MRTFB: variants seen among roughly 807,000 people sequenced by gnomAD.
MRTFB encodes myocardin-related transcription factor B.
A neutral mutation model predicts 104.2 loss-of-function variants in MRTFB; 29 were observed. That is an observed-to-expected ratio of 0.28 (90% CI 0.21 to 0.38). The LOEUF is 0.38. Ranked by LOEUF, MRTFB falls within the 10% of genes least tolerant of loss-of-function variation. MRTFB has a pLI of 1.00. For missense variants in MRTFB, 1,270 were observed against 1,341.6 expected (o/e 0.95, Z 0.83); for synonymous variants, 535 against 519.5 (o/e 1.03, Z -0.41).
At chr16:14,252,084 GC>G (rs2043279588) in intron 14 of MRTFB, 61 bp downstream of exon 14, 2 of 1,566,884 alleles carry the variant, frequency 1.3e-6, no homozygotes, top group Middle Eastern at 3.4e-4. Context: ...TCATTCCAAA[GC>G]CTAGTGCTTT....
intron 2 of MRTFB, among the ~76,000 whole-genome samples, chr16:14,081,027 A>G (rs989138468): frequency 2.6e-5 from 4 of 152,194 alleles, no homozygotes; most frequent in African/African-American, 9.7e-5. Context: ...CAGTAGTGGG[A>G]TTGCTGGATC....
chr16:14,195,634 TG>T (rs2040400048), intron 3 of MRTFB: 2 of 898,392 alleles, frequency 2.2e-6, no homozygotes, highest in Non-Finnish European at 2.7e-6. Flanking sequence ...TTTCGTTAAT[TG>T]TTCTTTTATT....
chr16:14,135,846 C>G (rs1442141947), intron 2 of MRTFB, among the ~76,000 whole-genome samples: 1 of 152,190 alleles, frequency 6.6e-6, no homozygotes, highest in Non-Finnish European at 1.5e-5. Context: ...CAGCTTTTTG[C>G]TGTTAGGTGA....
intron 2 of MRTFB, among the ~76,000 whole-genome samples, chr16:14,105,545 G>A (rs533855224): frequency 4.6e-5 from 7 of 152,014 alleles, no homozygotes; most frequent in South Asian, 4.2e-4. Context: ...CTATAGGCAC[G>A]TGCTACCGTA....
chr16:14,118,143 T>C (rs891132972), intron 2 of MRTFB, among the ~76,000 whole-genome samples: 1 of 126,906 alleles, frequency 7.9e-6, no homozygotes, highest in African/African-American at 3.7e-5. Flanking sequence ...TTTCTTTTTC[T>C]TTTTTTTTTG....
intron 2 of MRTFB, among the ~76,000 whole-genome samples, chr16:14,081,849 G>A (rs2034433252): frequency 6.6e-6 from 1 of 152,188 alleles, no homozygotes. Context: ...CCAAAGTGCT[G>A]GGATTATAGG....
chr16:14,146,934 A>G (rs1282081952), intron 3 of MRTFB, among the ~76,000 whole-genome samples: 6 of 152,376 alleles, frequency 3.9e-5, no homozygotes, highest in Admixed American at 1.3e-4. Context: ...TCATAGTGTC[A>G]TAAACGAGCA....
At chr16:14,234,748 T>C (rs1172045844) in intron 9 of MRTFB, among the ~76,000 whole-genome samples, 1 of 152,046 alleles carries the variant, frequency 6.6e-6, no homozygotes, top group Non-Finnish European at 1.5e-5. Flanking sequence ...TGAGCTGTGA[T>C]CACACCATTG....
intron 8 of MRTFB, 139 bp from the exon 9 acceptor site, chr16:14,234,007 C>T: frequency 4.0e-6 from 4 of 998,934 alleles, no homozygotes; most frequent in Non-Finnish European, 5.9e-6. Context: ...CACCATCTGG[C>T]CTCAGACATA....
At chr16:14,193,087 C>T (rs2040259711) in intron 3 of MRTFB, among the ~76,000 whole-genome samples, 1 of 151,856 alleles carries the variant, frequency 6.6e-6, no homozygotes, top group Non-Finnish European at 1.5e-5. Flanking sequence ...CGCAGCCTTG[C>T]TGGTTTTCCC....
chr16:14,243,096 A>C (rs1183273955), intron 10 of MRTFB, among the ~76,000 whole-genome samples: 9 of 152,216 alleles, frequency 5.9e-5, no homozygotes, highest in Admixed American at 3.9e-4. Flanking sequence ...TAATGAATGA[A>C]AATAAGGTGG....
At chr16:14,249,479 T>C (rs991083648) in intron 13 of MRTFB, among the ~76,000 whole-genome samples, 1 of 152,228 alleles carries the variant, frequency 6.6e-6, no homozygotes, top group Non-Finnish European at 1.5e-5. Context: ...TCCCAAAATG[T>C]TTATGCTGAG....
chr16:14,238,339 G>A (rs559316406), intron 9 of MRTFB, among the ~76,000 whole-genome samples: 1 of 152,124 alleles, frequency 6.6e-6, no homozygotes, highest in African/African-American at 2.4e-5. Flanking sequence ...GGGGGGGACT[G>A]TGCAAGTGAG....
chr16:14,070,066 T>G, upstream of MRTFB, among the ~76,000 whole-genome samples: 1 of 152,176 alleles, frequency 6.6e-6, no homozygotes, highest in South Asian at 2.1e-4. Flanking sequence ...CTTGCTGACA[T>G]TGATGTGATT....
chr16:14,251,376 CAAAAAAAAAA>C (rs776143724), intron 13 of MRTFB, among the ~76,000 whole-genome samples: 1 of 44,702 alleles, frequency 2.2e-5, no homozygotes, highest in African/African-American at 7.7e-5. Flanking sequence ...GACTCCGTCT[CAAAAAAAAAA>C]AAAAAAAAAA....
intron 8 of MRTFB, among the ~76,000 whole-genome samples, chr16:14,222,233 CCTT>C (rs2041759037): frequency 1.3e-5 from 2 of 152,110 alleles, no homozygotes; most frequent in Admixed American, 1.3e-4. Context: ...ATTTCACTTT[CCTT>C]CTTGTTTGCC....
intron 8 of MRTFB, 147 bp downstream of exon 8, chr16:14,219,145 C>G (rs922384675): frequency 4.1e-6 from 3 of 733,176 alleles, no homozygotes; most frequent in Non-Finnish European, 6.0e-6. Flanking sequence ...TAACTGCCCT[C>G]CAGGAAGGTA....
At chr16:14,176,835 G>T (rs2039598795) in intron 3 of MRTFB, among the ~76,000 whole-genome samples, 1 of 152,196 alleles carries the variant, frequency 6.6e-6, no homozygotes, top group African/African-American at 2.4e-5. Flanking sequence ...GTAACAACTA[G>T]CATCATCATC....
At chr16:14,059,610 G>C in the MRTFB span, among the ~76,000 whole-genome samples, 1 of 152,192 alleles carries the variant, frequency 6.6e-6, no homozygotes, top group East Asian at 1.9e-4. Context: ...GATGGTGACA[G>C]CACATCAAAC....
Sources: gnomAD v4.1 joint callset for allele counts (sites outside exome capture counted in the v4.1 genomes callset) on GRCh38, gnomAD v4.1.1 for gene constraint, MANE v1.5 for transcripts, NCBI Gene and HGNC (gene_info 2026-07-23, HGNC 2026-07-21) for gene names.